WDFY4: variants seen among roughly 807,000 people sequenced by gnomAD.
The protein encoded by WDFY4 is WDFY family member 4.
WDFY4 carries 169 observed loss-of-function variants against 351.9 expected under a neutral mutation model. The observed-to-expected ratio is 0.48, with a 90% CI of 0.42 to 0.55. The LOEUF (loss-of-function observed/expected upper bound fraction) is 0.55. WDFY4 is among the 20% of genes least tolerant of loss of function. The pLI, the probability that WDFY4 is intolerant of heterozygous loss-of-function variation, is 0.00. For missense variants in WDFY4, 3,803 were observed against 3,935.6 expected (o/e 0.97, Z 0.90); for synonymous variants, 1,622 against 1,574.6 (o/e 1.03, Z -0.71).
At chr10:48,803,861 T>C (rs528996308) in intron 25 of WDFY4, among the ~76,000 whole-genome samples, 28 of 152,312 alleles carry the variant, frequency 1.8e-4, no homozygotes, top group Admixed American at 1.2e-3. Flanking sequence ...GAGGCTCACA[T>C]CATTTTCTCT....
Position 48,720,077 on chromosome 10 carries a change from G to A in WDFY4, c.301G>A (p.Asp101Asn). The change falls in exon 3 of 62, where the codon GAC (aspartate) becomes AAC (asparagine). Residue 101 changes from aspartate (D) to asparagine (N), a missense_variant. By Grantham distance (23) the Asp-to-Asn change is conservative. This residue lies in a region of WDFY4 where 488 missense variants were observed against 456.8 expected (regional missense o/e 1.07). Coordinates refer to ENST00000325239, the MANE Select transcript of WDFY4 (RefSeq NM_001394531.1). ...SLQRLAEDVS[D>N]QLAQQLQKAL... Reference sequence around the variant, plus strand: ...CCAAAGGCTGGCTGAAGACGTGTCTGACCAGCTTGCCCAGCAACTCCAGAA... The same window carrying A: ...CCAAAGGCTGGCTGAAGACGTGTCTAACCAGCTTGCCCAGCAACTCCAGAA... 14 of 1,551,736 alleles carry A rather than the reference G, an allele frequency of 9.0e-6. No individual in the cohort carries two copies. The highest frequency in any genetic ancestry group is 1.2e-5 in the Non-Finnish European group (14 of 1,147,004).
At chr10:48,724,324 TAC>T (rs893454476) in intron 5 of WDFY4, among the ~76,000 whole-genome samples, 41 of 152,250 alleles carry the variant, frequency 2.7e-4, no homozygotes, top group Admixed American at 2.0e-3. Flanking sequence ...CTGTCCATGG[TAC>T]ACACATGTCC....
At chr10:48,937,759 T>C (rs1446225274) in intron 47 of WDFY4, among the ~76,000 whole-genome samples, 1 of 152,218 alleles carries the variant, frequency 6.6e-6, no homozygotes, top group Non-Finnish European at 1.5e-5. Context: ...AGGGTGTCTC[T>C]GGTTTGAAAG....
intron 27 of WDFY4, among the ~76,000 whole-genome samples, chr10:48,806,481 G>A (rs933326992): frequency 2.6e-5 from 4 of 152,090 alleles, no homozygotes; most frequent in African/African-American, 7.2e-5. Context: ...CCCTCTGTCC[G>A]TGCTTGGCAC....
intron 24 of WDFY4, among the ~76,000 whole-genome samples, chr10:48,801,267 G>A (rs530223923): frequency 6.6e-6 from 1 of 152,308 alleles, no homozygotes; most frequent in East Asian, 1.9e-4. Context: ...TTCCTGATGA[G>A]CTAGGCAGCC....
chr10:48,743,635 G>C, intron 12 of WDFY4, 87 bp downstream of exon 12: 2 of 1,402,072 alleles, frequency 1.4e-6, no homozygotes, highest in Non-Finnish European at 1.9e-6. Flanking sequence ...CAGTAGGAAG[G>C]CTCAGCTACA....
At chr10:48,977,056 G>A (rs1842598877) in intron 59 of WDFY4, 77 bp downstream of exon 59, 2 of 1,293,394 alleles carry the variant, frequency 1.5e-6, no homozygotes, top group East Asian at 3.1e-5. Flanking sequence ...TCCTCCAGGG[G>A]GCCAAACCTG....
chr10:48,946,695 G>A (rs1303235377), intron 50 of WDFY4, among the ~76,000 whole-genome samples, 165 bp from the exon 51 acceptor site: 1 of 152,220 alleles, frequency 6.6e-6, no homozygotes, highest in Non-Finnish European at 1.5e-5. Context: ...TTCACGTGCC[G>A]TCTGTGATCT....
Position 48,913,305 on chromosome 10 carries a change from A to G in WDFY4, c.7586+11442A>G. The G allele has an allele frequency of 1.6e-6, 2 of 1,262,794 alleles. 1 individual carries two copies. The allele number at this position is 1,262,794 out of a possible 1,614,324, so 78.2% of individuals were successfully genotyped here. ...GAAAGAGCTGCTGCAGCCACAGGGG[A>G]GCCCTTGGTTTCCTGTGGAGGTAGC... On this transcript the variant is annotated intron_variant, in intron 47 of 61. Coordinates refer to ENST00000325239, the MANE Select transcript of WDFY4 (RefSeq NM_001394531.1).
In WDFY4 at chr10:48,778,672, C is replaced by T. The variant is rs937043774; in HGVS notation, c.3237C>T (p.Ser1079=). ...CCTTCTCCTGCTGGTTCCTGATCAG[C>T]CGGCATGGAGCTGCCACTGAGGGCC... ...GLTFSCWFLI[S]RHGAATEGHP... Residue 1079 remains serine (S), a synonymous_variant, in exon 18 of 62, where the codon AGC becomes AGT. Transcript: ENST00000325239. 4.5e-6 allele frequency: 7 copies of T among 1,551,474 alleles called. No homozygotes were observed. Among genetic ancestry groups the T allele is most frequent in the Non-Finnish European group, 5.2e-6 (6 of 1,147,026 alleles).
chr10:48,778,625 T>G lies in WDFY4; in HGVS notation c.3190T>G (p.Phe1064Val). 6.4e-7 allele frequency: 1 copy of G among 1,551,194 alleles called. No homozygotes were observed. The highest frequency in any genetic ancestry group is 8.7e-7 in the Non-Finnish European group (1 of 1,146,992). Residue 1064 changes from phenylalanine to valine, a missense_variant, in exon 18 of 62, where the codon TTC becomes GTC. Physicochemically the swap from Phe to Val is conservative, Grantham distance 50. Around this residue, in one of 3 missense-constraint regions of WDFY4, gnomAD observed 3,054 missense variants for 3,148.6 expected, o/e 0.97. Coordinates refer to ENST00000325239, the MANE Select transcript of WDFY4 (RefSeq NM_001394531.1). Reference protein sequence around the residue: ...GGIGTGATRPFPPPGGLTFSC... With the variant: ...GGIGTGATRPVPPPGGLTFSC... ...TTCCCACCCAGGTGCCACCAGACCG[T>G]TCCCTCCTCCTGGAGGTCTGACCTT...
chr10:48,705,029 G>T lies in WDFY4; in HGVS notation c.-17-4687G>T, dbSNP rs2063588506. 3.3e-5 allele frequency among the ~76,000 whole-genome samples: 5 copies of T among 152,196 alleles called. No homozygotes were observed. The South Asian group carries it at 1.0e-3, about 31-fold the overall frequency. On this transcript the variant is annotated intron_variant, in intron 1 of 61. Transcript: ENST00000325239. ...GAGGCAGGGATGGGTCTTGCCACTT[G>T]GTCTAAACCCACTGTGTTCAAACCC...
chr10:48,739,319 G>A (rs1268231592), intron 11 of WDFY4, among the ~76,000 whole-genome samples: 2 of 152,228 alleles, frequency 1.3e-5, no homozygotes, highest in Non-Finnish European at 1.5e-5. Flanking sequence ...GAGTTAGGAT[G>A]AGAAAATGTG....
chr10:48,738,034 G>A (rs1167175556), intron 11 of WDFY4, among the ~76,000 whole-genome samples: 2 of 152,212 alleles, frequency 1.3e-5, no homozygotes, highest in Non-Finnish European at 2.9e-5. Flanking sequence ...ATATGTCCAT[G>A]TTCAGCGTGA....
chr10:48,890,725 C>T lies in WDFY4; in HGVS notation c.7314C>T (p.Ser2438=). The part of the protein sequence containing the change: ...GDVYCTRHCL[S]NISDPFIFNL... Reference sequence around the variant, plus strand: ...TCTACTGTACCCGTCACTGCTTATCCAAGTGAGTTATCCACTTCTCCCAGC... The same window carrying T: ...TCTACTGTACCCGTCACTGCTTATCTAAGTGAGTTATCCACTTCTCCCAGC... Residue 2438 remains serine, a splice_region_variant and synonymous_variant, in exon 44 of 62, where the codon TCC becomes TCT. Coordinates refer to ENST00000325239, the MANE Select transcript of WDFY4 (RefSeq NM_001394531.1). 2 of 1,551,720 alleles carry T rather than the reference C, an allele frequency of 1.3e-6. No homozygotes were observed. The highest frequency in any genetic ancestry group is 1.2e-5 in the South Asian group (1 of 84,066).
intron 32 of WDFY4, among the ~76,000 whole-genome samples, chr10:48,817,811 C>A (rs1410132967): frequency 6.6e-6 from 1 of 152,210 alleles, no homozygotes; most frequent in Non-Finnish European, 1.5e-5. Context: ...GAACCCTCAT[C>A]CAACTTGCAG....
chr10:48,730,249 T>C (rs1370850246), intron 8 of WDFY4, among the ~76,000 whole-genome samples: 2 of 152,200 alleles, frequency 1.3e-5, no homozygotes, highest in Non-Finnish European at 2.9e-5. Flanking sequence ...GAATAAATGG[T>C]GGCCTGGAAG....
At position 48,789,520 on chromosome 10, in the gene WDFY4, G is replaced by T. The variant is rs943764052; in HGVS notation, c.3955-354G>T. On this transcript the variant is annotated intron_variant, in intron 21 of 61. Transcript: ENST00000325239. ...GGCTCCCAGAGCCTGAACAACCCTA[G>T]TCTGAGAAGGTGGCAGCCCTCACCT... Among the ~76,000 whole-genome samples the T allele has an allele frequency of 1.4e-4, 21 of 152,208 alleles. 1 individual carries two copies. Among genetic ancestry groups the T allele is most frequent in the Admixed American group, 3.3e-4 (5 of 15,286 alleles).
At chr10:48,902,885 A>C (rs558571786) in intron 47 of WDFY4, among the ~76,000 whole-genome samples, 3 of 152,198 alleles carry the variant, frequency 2.0e-5, no homozygotes, top group Non-Finnish European at 4.4e-5. Context: ...CAAGGTGGGC[A>C]GACCACCTGA....
Sources: gnomAD v4.1 joint callset for allele counts (sites outside exome capture counted in the v4.1 genomes callset) on GRCh38, gnomAD v4.1.1 for gene constraint, gnomAD v4.1.1 regional missense constraint, MANE v1.5 for transcripts, NCBI Gene and HGNC (gene_info 2026-07-23, HGNC 2026-07-21) for gene names.